Variants in AKAP7 observed in about 807,000 individuals in gnomAD.
The protein encoded by AKAP7 is A kinase (PRKA) anchor protein 7.
A neutral mutation model predicts 39.5 loss-of-function variants in AKAP7; 39 were observed. The ratio of observed to expected loss-of-function variants is 0.99; its 90% CI spans 0.76 to 1.29. The LOEUF (loss-of-function observed/expected upper bound fraction) is 1.29, where lower values mean the gene tolerates loss of function less well. AKAP7 is among the 50% of genes most tolerant of loss of function. AKAP7 has a pLI of 0.00. For missense variants in AKAP7, 414 were observed against 407.7 expected, an observed-to-expected ratio of 1.02 and a Z score of -0.13; for synonymous variants, 140 against 139.1, an observed-to-expected ratio of 1.01 and a Z score of -0.05.
At chr6:131,244,189 G>T (rs981151105) in intron 7 of AKAP7, among the ~76,000 whole-genome samples, 3 of 152,024 alleles carry the variant, frequency 2.0e-5, no homozygotes, top group Admixed American at 6.5e-5. Context: ...ACTGTTTTGG[G>T]TTAATAAAAC....
At chr6:131,133,017 C>A (rs1036662895), upstream of AKAP7, among the ~76,000 whole-genome samples, 1 of 152,180 alleles carries the variant, frequency 6.6e-6, no homozygotes, top group Non-Finnish European at 1.5e-5. Context: ...TATTGATGAT[C>A]TTTGCATCAA....
At chr6:131,271,912 G>A (rs747691273) in intron 7 of AKAP7, among the ~76,000 whole-genome samples, 2 of 152,184 alleles carry the variant, frequency 1.3e-5, no homozygotes, top group Non-Finnish European at 2.9e-5. Context: ...TGTGTCTAAT[G>A]TGTCCTAAAT....
intron 4 of AKAP7, among the ~76,000 whole-genome samples, chr6:131,168,519 G>A (rs545293284): frequency 6.6e-6 from 1 of 152,222 alleles, no homozygotes; most frequent in African/African-American, 2.4e-5. Flanking sequence ...CATAGCAGGC[G>A]TATAATTGCA....
chr6:131,162,583 T>C (rs1246883862), intron 3 of AKAP7, among the ~76,000 whole-genome samples: 2 of 152,192 alleles, frequency 1.3e-5, no homozygotes, highest in Non-Finnish European at 2.9e-5. Context: ...ACTTCAGGAT[T>C]TTCCCATCGA....
chr6:131,234,726 G>A (rs1489406114), intron 7 of AKAP7, among the ~76,000 whole-genome samples: 2 of 148,390 alleles, frequency 1.3e-5, no homozygotes, highest in Admixed American at 6.8e-5. Context: ...GCTATTAGAA[G>A]TTAACTTTAC....
intron 7 of AKAP7, among the ~76,000 whole-genome samples, chr6:131,277,928 C>T (rs1317712602): frequency 6.6e-6 from 1 of 152,130 alleles, no homozygotes; most frequent in Non-Finnish European, 1.5e-5. Flanking sequence ...TCTTACTGAC[C>T]AGGTTCATCA....
intron 7 of AKAP7, among the ~76,000 whole-genome samples, chr6:131,239,100 C>G (rs1811317850): frequency 6.6e-6 from 1 of 152,138 alleles, no homozygotes; most frequent in Non-Finnish European, 1.5e-5. Context: ...TAGGGCAGGC[C>G]TGGTGGTGAC....
intron 5 of AKAP7, among the ~76,000 whole-genome samples, chr6:131,182,928 A>G (rs1240306444): frequency 1.3e-5 from 2 of 152,114 alleles, no homozygotes; most frequent in African/African-American, 4.8e-5. Context: ...CAAAATAACC[A>G]ATTTTATATT....
chr6:131,163,782 AT>A (rs1159575654), intron 3 of AKAP7, among the ~76,000 whole-genome samples: 8 of 152,140 alleles, frequency 5.3e-5, no homozygotes, highest in African/African-American at 1.9e-4. Flanking sequence ...AGAAGAAAAC[AT>A]TTTGATGGGG....
chr6:131,240,340 G>T (rs1405621255), intron 7 of AKAP7, among the ~76,000 whole-genome samples: 3 of 152,202 alleles, frequency 2.0e-5, no homozygotes, highest in Non-Finnish European at 4.4e-5. Flanking sequence ...TCCCAGTTAG[G>T]CTGCTTGGGG....
chr6:131,183,004 A>G (rs1295046447), intron 5 of AKAP7, among the ~76,000 whole-genome samples: 2 of 152,232 alleles, frequency 1.3e-5, no homozygotes, highest in African/African-American at 4.8e-5. Flanking sequence ...GTATTTCAAA[A>G]TGTTTAAAAA....
intron 5 of AKAP7, among the ~76,000 whole-genome samples, chr6:131,173,412 C>T (rs1804274162): frequency 6.6e-6 from 1 of 152,012 alleles, no homozygotes; most frequent in African/African-American, 2.4e-5. Context: ...GTGCACTTAC[C>T]TCATACCTGG....
At chr6:131,238,141 T>A (rs1811233278) in intron 7 of AKAP7, among the ~76,000 whole-genome samples, 1 of 152,180 alleles carries the variant, frequency 6.6e-6, no homozygotes, top group Admixed American at 6.5e-5. Context: ...ACATCTTTAT[T>A]TCTGCCTTCA....
intron 7 of AKAP7, among the ~76,000 whole-genome samples, chr6:131,260,088 G>A (rs1048742412): frequency 1.3e-5 from 2 of 151,986 alleles, no homozygotes; most frequent in African/African-American, 4.8e-5. Context: ...GTTTGCTGAG[G>A]ATAGTGGCTT....
At chr6:131,172,017 AT>A (rs2128246763) in intron 5 of AKAP7, among the ~76,000 whole-genome samples, 1 of 152,234 alleles carries the variant, frequency 6.6e-6, no homozygotes, top group East Asian at 1.9e-4. Flanking sequence ...GATTTTATGA[AT>A]TGAGGAGATT....
intron 7 of AKAP7, among the ~76,000 whole-genome samples, chr6:131,253,696 A>T (rs976937347): frequency 1.4e-5 from 2 of 145,902 alleles, no homozygotes; most frequent in African/African-American, 2.6e-5. Context: ...ATTTATTTAT[A>T]AGCTCCAACA....
intron 6 of AKAP7, among the ~76,000 whole-genome samples, chr6:131,207,511 T>TTTTTTTTTTTTTTTA (rs1808237682): frequency 7.0e-6 from 1 of 143,140 alleles, no homozygotes; most frequent in Non-Finnish European, 1.5e-5. Flanking sequence ...TTTTTTTTTT[T>TTTTTTTTTTTTTTTA]TTTTTTAGAT....
At chr6:131,213,751 T>C (rs1212546832) in intron 6 of AKAP7, among the ~76,000 whole-genome samples, 2 of 152,132 alleles carry the variant, frequency 1.3e-5, no homozygotes, top group African/African-American at 4.8e-5. Context: ...ATATGGTCTC[T>C]CCTGCAGGAA....
intron 7 of AKAP7, among the ~76,000 whole-genome samples, chr6:131,261,587 A>G (rs957178225): frequency 3.3e-5 from 5 of 152,232 alleles, no homozygotes; most frequent in African/African-American, 1.2e-4. Flanking sequence ...ATGTAAAATC[A>G]GATTTACAGA....
Sources: allele counts gnomAD v4.1 joint callset (sites outside exome capture counted in the v4.1 genomes callset), GRCh38; gene constraint gnomAD v4.1.1; transcripts MANE v1.5; gene names NCBI Gene and HGNC (gene_info 2026-07-23, HGNC 2026-07-21).